The following SLCO3A1 variants were observed in gnomAD, a reference collection of about 807,000 sequenced individuals.
SLCO3A1 encodes the protein PGE1 transporter.
A neutral mutation model predicts 63.1 loss-of-function variants in SLCO3A1; 27 were observed. That is an observed-to-expected ratio of 0.43 (90% CI 0.32 to 0.59). The LOEUF (loss-of-function observed/expected upper bound fraction) is 0.59. SLCO3A1 is among the 20% of genes least tolerant of loss of function. The pLI is 0.09. For synonymous variants in SLCO3A1, 473 were observed against 409.9 expected (o/e 1.15, Z -1.86); for missense variants, 773 against 945.8 (o/e 0.82, Z 2.40).
At chr15:92,001,406 A>G (rs2046253254) in intron 2 of SLCO3A1, among the ~76,000 whole-genome samples, 1 of 152,180 alleles carries the variant, frequency 6.6e-6, no homozygotes, top group South Asian at 2.1e-4. Context: ...GTGGTCCATT[A>G]GGAACCTTCT....
rs60625894 is a variant in SLCO3A1 at position 92,084,993 on chromosome 15, T to C, written c.647-9888T>C. On this transcript the variant is annotated intron_variant, in intron 2 of 9. Transcript: ENST00000318445. Reference sequence around the variant, plus strand: ...TGGAGCATCAGTGGAAACTGATGTTTATGAAGTGCTTCATCTGTGCCAGGG... The same window carrying C: ...TGGAGCATCAGTGGAAACTGATGTTCATGAAGTGCTTCATCTGTGCCAGGG... Among the ~76,000 whole-genome samples, 1,277 of 152,316 alleles carry C rather than the reference T, an allele frequency of 8.4e-3. 16 individuals are homozygous for C. The highest frequency in any genetic ancestry group is 0.03 in the African/African-American group (1,228 of 41,572).
At chr15:92,062,726 G>A (rs1445331997) in intron 2 of SLCO3A1, among the ~76,000 whole-genome samples, 1 of 152,116 alleles carries the variant, frequency 6.6e-6, no homozygotes, top group Admixed American at 6.5e-5. Context: ...TCACTCTCTC[G>A]GGCTCCGGCT....
intron 2 of SLCO3A1, among the ~76,000 whole-genome samples, chr15:92,012,008 A>T (rs1187366760): frequency 1.3e-5 from 2 of 152,264 alleles, no homozygotes. Context: ...TCACCAGCAC[A>T]TGAGCGGGGA....
intron 2 of SLCO3A1, among the ~76,000 whole-genome samples, chr15:91,925,107 T>G (rs568559607): frequency 6.6e-6 from 1 of 152,370 alleles, no homozygotes; most frequent in East Asian, 1.9e-4. Context: ...CACACCCATC[T>G]TATTTGCTTT....
chr15:91,869,786 G>A (rs965402465), intron 1 of SLCO3A1, among the ~76,000 whole-genome samples: 1 of 152,084 alleles, frequency 6.6e-6, no homozygotes, highest in African/African-American at 2.4e-5. Context: ...GGGTTGTGTG[G>A]AAAAAACTGC....
intron 2 of SLCO3A1, among the ~76,000 whole-genome samples, chr15:91,998,991 A>G (rs993150243): frequency 6.6e-6 from 1 of 152,280 alleles, no homozygotes; most frequent in Non-Finnish European, 1.5e-5. Context: ...TTGTAGGAAC[A>G]TGGATGCAGC....
At chr15:92,167,543 G>T (rs895607919), downstream of SLCO3A1, among the ~76,000 whole-genome samples, 1 of 152,110 alleles carries the variant, frequency 6.6e-6, no homozygotes, top group Non-Finnish European at 1.5e-5. Flanking sequence ...CACAACAGCC[G>T]CAAGAACGTA....
downstream of SLCO3A1, among the ~76,000 whole-genome samples, chr15:92,169,459 A>G (rs1163244470): frequency 6.6e-6 from 1 of 152,184 alleles, no homozygotes; most frequent in Non-Finnish European, 1.5e-5. Context: ...CTCCTGATGT[A>G]ACAACCAGGA....
chr15:91,899,368 C>A (rs1240487442), intron 1 of SLCO3A1, among the ~76,000 whole-genome samples: 1 of 152,186 alleles, frequency 6.6e-6, no homozygotes, highest in African/African-American at 2.4e-5. Flanking sequence ...CACCAACTGT[C>A]CCCCTGCCTT....
chr15:92,153,280 A>G (rs972499865), intron 9 of SLCO3A1, among the ~76,000 whole-genome samples: 1 of 152,208 alleles, frequency 6.6e-6, no homozygotes, highest in Non-Finnish European at 1.5e-5. Flanking sequence ...ACTCACTGTA[A>G]TAGGTATGAC....
At chr15:91,855,240 C>A (rs954453589) in intron 1 of SLCO3A1, among the ~76,000 whole-genome samples, 2 of 152,090 alleles carry the variant, frequency 1.3e-5, no homozygotes, top group Admixed American at 1.3e-4. Context: ...GGGTAAAGTT[C>A]ATGAGGGCCA....
chr15:92,166,038 GTTTTGTTTTGTT>G (rs1374712111), downstream of SLCO3A1: 8 of 339,164 alleles, frequency 2.4e-5, no homozygotes, highest in South Asian at 1.2e-4. Flanking sequence ...GAAGGTTTGG[GTTTTGTTTTGTT>G]TTTTGTTTTG....
chr15:92,169,471 A>G (rs926752436), downstream of SLCO3A1, among the ~76,000 whole-genome samples: 1 of 152,184 alleles, frequency 6.6e-6, no homozygotes, highest in African/African-American at 2.4e-5. Context: ...CAACCAGGAC[A>G]CCATGGCAGC....
At chr15:92,128,040 T>C (rs1426027376) in intron 6 of SLCO3A1, among the ~76,000 whole-genome samples, 1 of 152,106 alleles carries the variant, frequency 6.6e-6, no homozygotes, top group Non-Finnish European at 1.5e-5. Context: ...ATACCAGTGA[T>C]AAAAAGCATC....
At chr15:92,030,768 G>A (rs1266438599) in intron 2 of SLCO3A1, among the ~76,000 whole-genome samples, 1 of 152,166 alleles carries the variant, frequency 6.6e-6, no homozygotes, top group Non-Finnish European at 1.5e-5. Flanking sequence ...TGCCTCACCT[G>A]TGCTTCCTGG....
intron 2 of SLCO3A1, among the ~76,000 whole-genome samples, chr15:92,078,408 G>T (rs1268062645): frequency 2.0e-5 from 3 of 152,184 alleles, no homozygotes; most frequent in Non-Finnish European, 4.4e-5. Context: ...GGACACACCT[G>T]AGCCCAGGAG....
In SLCO3A1 at chr15:91,862,655, G is replaced by C. The variant is rs779091617; in HGVS notation, c.180+8567G>C. On this transcript the variant is annotated intron_variant, in intron 1 of 9. Coordinates refer to ENST00000318445, the MANE Select transcript of SLCO3A1 (RefSeq NM_013272.4). The surrounding 1 kb of genome is among the most constrained non-coding windows in gnomAD (Gnocchi z 4.0). ...ACCTAAATTTCTAGTTGTGCAGAGC[G>C]TGAAGAAATGAGCAGGGGCTGATGA... Among the ~76,000 whole-genome samples the C allele has an allele frequency of 6.6e-6, 1 of 152,192 alleles. No individual in the cohort carries two copies. Among genetic ancestry groups the C allele is most frequent in the Non-Finnish European group, 1.5e-5 (1 of 68,032 alleles).
chr15:91,933,010 C>G (rs1280888608), intron 2 of SLCO3A1, among the ~76,000 whole-genome samples: 1 of 152,014 alleles, frequency 6.6e-6, no homozygotes, highest in African/African-American at 2.4e-5. Context: ...GAGAATCTTC[C>G]CCATTTCAAC....
At chr15:91,994,015 C>A (rs1238892476) in intron 2 of SLCO3A1, among the ~76,000 whole-genome samples, 3 of 152,148 alleles carry the variant, frequency 2.0e-5, no homozygotes, top group Admixed American at 2.0e-4. Context: ...TGACTGTGGC[C>A]CTGGCTGATG....
Sources: gnomAD v4.1 joint callset for allele counts (sites outside exome capture counted in the v4.1 genomes callset) on GRCh38, gnomAD v4.1.1 for gene constraint, Gnocchi (gnomAD v3.1) non-coding constraint, MANE v1.5 for transcripts, NCBI Gene and HGNC (gene_info 2026-07-23, HGNC 2026-07-21) for gene names.